C16orf74: variants seen among roughly 807,000 people sequenced by gnomAD.
C16orf74 encodes calcimembrin.
Under a neutral mutation model 6.5 loss-of-function variants are expected in C16orf74, and 10 were observed. The ratio of observed to expected loss-of-function variants is 1.54; its 90% CI spans 0.95 to 2.61. C16orf74 has a LOEUF of 2.61. Among genes scored for constraint, C16orf74 ranks in the 30% most tolerant of loss-of-function variants. C16orf74 has a pLI of 0.00. For synonymous variants in C16orf74, 60 were observed against 42.5 expected (o/e 1.41, Z -1.60); for missense variants, 141 against 105.9 (o/e 1.33, Z -1.45).
chr16:85,736,376 C>G (rs1259078505), intron 1 of C16orf74, among the ~76,000 whole-genome samples: 2 of 152,068 alleles, frequency 1.3e-5, no homozygotes, highest in Non-Finnish European at 2.9e-5. Flanking sequence ...TCAGGCCCAC[C>G]CAGGCGCACA....
At chr16:85,715,463 G>A (rs2167345) in intron 2 of C16orf74, among the ~76,000 whole-genome samples, 150,690 of 152,284 alleles carry the variant, frequency 0.99, 74,576 homozygotes, top group East Asian at 1. Context: ...TCCATCCCCA[G>A]ACTGGAATCT....
intron 2 of C16orf74, among the ~76,000 whole-genome samples, chr16:85,731,386 G>A (rs391278): frequency 6.6e-6 from 1 of 152,182 alleles, no homozygotes; most frequent in Non-Finnish European, 1.5e-5. Context: ...AATCGTTAAG[G>A]GGCAGAGCTG....
At chr16:85,709,773 G>C (rs1266555606) in intron 3 of C16orf74, among the ~76,000 whole-genome samples, 2 of 152,230 alleles carry the variant, frequency 1.3e-5, no homozygotes, top group Non-Finnish European at 2.9e-5. Flanking sequence ...GGCACGAGCT[G>C]TGTTTCCAAG....
At chr16:85,711,531 G>A (rs571046105) in intron 2 of C16orf74, among the ~76,000 whole-genome samples, 1 of 151,340 alleles carries the variant, frequency 6.6e-6, no homozygotes, top group Non-Finnish European at 1.5e-5. Context: ...GCTGAGGCAG[G>A]AGAATTGCTT....
At chr16:85,712,794 G>A (rs149683776) in intron 2 of C16orf74, among the ~76,000 whole-genome samples, 6 of 152,308 alleles carry the variant, frequency 3.9e-5, no homozygotes, top group African/African-American at 9.6e-5. Flanking sequence ...GTCTCTGTCC[G>A]CGGTTTCTGA....
rs1378543405 is a variant in C16orf74 at position 85,708,003 on chromosome 16, C to A, written c.*5G>T. 2 of 1,552,170 alleles carry A rather than the reference C, an allele frequency of 1.3e-6. No homozygotes were observed. The highest frequency in any genetic ancestry group is 1.4e-5 in the African/African-American group (1 of 73,198). On this transcript the variant is annotated 3_prime_UTR_variant, in exon 4 of 4. Transcript: ENST00000284245. ...GAGCCAGCCAGCCAAACCCAGGACA[C>A]CTCCTCAGGCTTCTGGGTCGATTTC...
At chr16:85,744,635 C>A (rs1409201754) in intron 1 of C16orf74, among the ~76,000 whole-genome samples, 1 of 151,794 alleles carries the variant, frequency 6.6e-6, no homozygotes. Flanking sequence ...TCGAGACCAT[C>A]CTGGCTAACA....
At chr16:85,711,736 C>T (rs867920904) in intron 2 of C16orf74, among the ~76,000 whole-genome samples, 8 of 152,062 alleles carry the variant, frequency 5.3e-5, no homozygotes, top group Admixed American at 3.9e-4. Flanking sequence ...TTGCCCCAAA[C>T]GGTGCCAGGC....
At chr16:85,725,077 C>A (rs890260947) in intron 2 of C16orf74, among the ~76,000 whole-genome samples, 3 of 152,012 alleles carry the variant, frequency 2.0e-5, no homozygotes, top group South Asian at 2.1e-4. Flanking sequence ...GGGGGGGGAC[C>A]GGCTAAGTCC....
Position 85,742,428 on chromosome 16 carries a change from C to T in C16orf74, c.-18-7193G>A, listed in dbSNP as rs138623784. On this transcript the variant is annotated intron_variant, in intron 1 of 3. Transcript: ENST00000284245. ...TGCTTCCCACTTGCTGCCACCCTCT[C>T]GCCACATGATCTCTGTGGCTCCCCT... 9.2e-3 allele frequency among the ~76,000 whole-genome samples: 1,395 copies of T among 152,268 alleles called. 22 individuals are homozygous for T. Among genetic ancestry groups the T allele is most frequent in the African/African-American group, 0.032 (1,329 of 41,540 alleles).
chr16:85,714,927 C>G (rs1375526404), intron 2 of C16orf74, among the ~76,000 whole-genome samples: 1 of 151,136 alleles, frequency 6.6e-6, no homozygotes, highest in Non-Finnish European at 1.5e-5. Context: ...GAGGCCGAGG[C>G]GGGCGGATCA....
chr16:85,729,607 T>A (rs2054167657), intron 2 of C16orf74, among the ~76,000 whole-genome samples: 1 of 152,164 alleles, frequency 6.6e-6, no homozygotes, highest in Non-Finnish European at 1.5e-5. Flanking sequence ...ATGACCTTAT[T>A]TGGAAATGAG....
At position 85,739,560 on chromosome 16, in the gene C16orf74, G is replaced by C. The variant is rs141285964; in HGVS notation, c.-18-4325C>G. On this transcript the variant is annotated intron_variant, in intron 1 of 3. Coordinates refer to ENST00000284245, the MANE Select transcript of C16orf74 (RefSeq NM_206967.3). ...GTTTACTGTTGAGACTGGGAGATAG[G>C]AGAGCATGACATACTGGTGTGTTTG... 3.9e-5 allele frequency among the ~76,000 whole-genome samples: 6 copies of C among 152,342 alleles called. No individual in the cohort carries two copies. In the East Asian group the frequency reaches 1.2e-3, roughly 29 times the overall value.
intron 2 of C16orf74, among the ~76,000 whole-genome samples, chr16:85,721,803 C>A (rs145803829): frequency 6.0e-4 from 92 of 152,254 alleles, no homozygotes; most frequent in Middle Eastern, 3.4e-3. Flanking sequence ...TGGGGCTACA[C>A]GGAGGGGCTC....
At chr16:85,729,417 T>C (rs994450126) in intron 2 of C16orf74, among the ~76,000 whole-genome samples, 1 of 152,178 alleles carries the variant, frequency 6.6e-6, no homozygotes, top group Non-Finnish European at 1.5e-5. Flanking sequence ...CAAAGGGGTG[T>C]TGGCACAGCT....
intron 1 of C16orf74, among the ~76,000 whole-genome samples, chr16:85,741,889 C>A (rs2054312706): frequency 6.6e-6 from 1 of 152,174 alleles, no homozygotes; most frequent in Admixed American, 6.5e-5. Context: ...TTGTTCTCAT[C>A]ATTCTTATTG....
intron 2 of C16orf74, among the ~76,000 whole-genome samples, chr16:85,715,927 C>G (rs1375328527): frequency 6.6e-6 from 1 of 152,168 alleles, no homozygotes; most frequent in African/African-American, 2.4e-5. Flanking sequence ...AAGCACTTCG[C>G]CCAGCCAGCT....
At chr16:85,748,342 G>T (rs926864846) in intron 1 of C16orf74, among the ~76,000 whole-genome samples, 4 of 152,038 alleles carry the variant, frequency 2.6e-5, no homozygotes, top group Non-Finnish European at 5.9e-5. Flanking sequence ...GCTCACGCCT[G>T]TAATTCCAGC....
chr16:85,728,126 A>G (rs2054152656), intron 2 of C16orf74, among the ~76,000 whole-genome samples: 1 of 152,158 alleles, frequency 6.6e-6, no homozygotes, highest in Non-Finnish European at 1.5e-5. Flanking sequence ...CAACAGAGGG[A>G]GAGTGAGATC....
Sources: gnomAD v4.1 joint callset for allele counts (sites outside exome capture counted in the v4.1 genomes callset) on GRCh38, gnomAD v4.1.1 for gene constraint, MANE v1.5 for transcripts, NCBI Gene and HGNC (gene_info 2026-07-23, HGNC 2026-07-21) for gene names.